BRAT1: variants seen among roughly 807,000 people sequenced by gnomAD.
BRAT1 encodes BRCA1 associated ATM activator 1, also known as integrator complex assembly factor BRAT1.
In BRAT1, 74 loss-of-function variants were observed where a neutral mutation model predicts 70.6. The ratio of observed to expected loss-of-function variants is 1.05; its 90% confidence interval spans 0.87 to 1.27. BRAT1 has a LOEUF of 1.27. Ranked by LOEUF, BRAT1 falls within the 50% of genes most tolerant of loss-of-function variation. The pLI is 0.00. For synonymous variants in BRAT1, 615 were observed against 517.1 expected, an observed-to-expected ratio of 1.19 and a Z score of -2.57; for missense variants, 1,203 against 1,098.2, an observed-to-expected ratio of 1.10 and a Z score of -1.35.
rs554998590 is a variant in BRAT1, at chr7:2,547,209, G to A, written c.282+115C>T. 2.7e-5 allele frequency: 37 copies of A among 1,350,576 alleles called. No homozygotes were observed. In the East Asian group the frequency reaches 5.4e-4, roughly 20 times the overall value. The allele number at this position is 1,350,576 out of a possible 1,614,324, so 83.7% of individuals were successfully genotyped here. On this transcript the variant is annotated intron_variant, in intron 3 of 13. Transcript: ENST00000340611. Reference sequence around the variant, plus strand: ...GCAGTTCTAGTGAGGACACAGGGTCGGGGCAGGCCGCTGGGACTTGGGATG... The same window carrying A: ...GCAGTTCTAGTGAGGACACAGGGTCAGGGCAGGCCGCTGGGACTTGGGATG...
rs764154665 is a variant in BRAT1 at position 2,547,389 on chromosome 7, G to A, written c.217C>T (p.Leu73Phe). The A allele has an allele frequency of 4.3e-5, 70 of 1,614,014 alleles. 1 individual carries two copies. Among genetic ancestry groups the A allele is most frequent in the Non-Finnish European group, 5.8e-5 (68 of 1,180,030 alleles). Reference sequence around the variant, plus strand: ...CCTGCCAGGCGCAGTGAGAAGGAGAGGACCCCAGAACTCAGGTCCTGGACT... The same window carrying A: ...CCTGCCAGGCGCAGTGAGAAGGAGAAGACCCCAGAACTCAGGTCCTGGACT... The part of the protein sequence containing the change: ...LKVQDLSSGV[L>F]SFSLRLAGTF... Residue 73 changes from leucine (L) to phenylalanine (F), a missense_variant, in exon 3 of 14, where the codon CTC (leucine) becomes TTC (phenylalanine). Transcript: ENST00000340611.
At position 2,538,472 on chromosome 7, in the gene BRAT1, A is replaced by C; in HGVS notation, c.2063T>G (p.Leu688Arg). 6.2e-7 allele frequency: 1 copy of C among 1,612,544 alleles called. No homozygotes were observed. The highest frequency in any genetic ancestry group is 8.5e-7 in the Non-Finnish European group (1 of 1,179,884). The change falls in exon 14 of 14, where the codon CTC becomes CGC. Residue 688 changes from leucine to arginine, a missense_variant. By Grantham distance (102) the Leu-to-Arg change is moderately radical (BLOSUM62 -2). Transcript: ENST00000340611. ...GCAGAGAGCCCTCAGTGCCTCGGTG[A>C]GTGGCTGGGCTGGGGCCACCTCGGG... is the stretch of plus-strand genomic sequence containing the variant. Reference protein sequence around the residue: ...ALPEVAPAQPLTEALRALCHV... With the variant: ...ALPEVAPAQPRTEALRALCHV...
rs1779310763 is a variant in BRAT1 at position 2,543,150 on chromosome 7, G to A, written c.923+54C>T. 11 of 1,500,262 alleles carry A rather than the reference G, an allele frequency of 7.3e-6. No individual in the cohort carries two copies. The East Asian group carries it at 2.5e-4, about 34-fold the overall frequency. The allele number at this position is 1,500,262 out of a possible 1,614,324, so 92.9% of individuals were successfully genotyped here. On this transcript the variant is annotated intron_variant, in intron 6 of 13. Transcript: ENST00000340611. This position sits in a 1 kb window ranked among gnomAD's most constrained non-coding sequence, Gnocchi z 5.5. ...TGAGGGCTGCGCTCTCAACCTCCCTGCCTGCCCCAGCTCCCAGCACCCGCC... is the reference window on the plus strand; with the variant it reads ...TGAGGGCTGCGCTCTCAACCTCCCTACCTGCCCCAGCTCCCAGCACCCGCC...
At chr7:2,552,688 G>C (rs956670805) in intron 2 of BRAT1, among the ~76,000 whole-genome samples, 3 of 151,604 alleles carry the variant, frequency 2.0e-5, no homozygotes, top group Admixed American at 6.6e-5. Context: ...TCAACCATGA[G>C]AATAAACATT....
rs906195202 is a variant in BRAT1, at chr7:2,543,446, G to A, written c.804-123C>T. 2.7e-5 allele frequency: 40 copies of A among 1,482,022 alleles called. No homozygotes were observed. The highest frequency in any genetic ancestry group is 9.5e-5 in the East Asian group (4 of 42,032). The allele number at this position is 1,482,022 out of a possible 1,614,324, so 91.8% of individuals were successfully genotyped here. On this transcript the variant is annotated intron_variant, in intron 5 of 13. Transcript: ENST00000340611. This position sits in a 1 kb window ranked among gnomAD's most constrained non-coding sequence, Gnocchi z 5.5. ...CAGCCCAAGACAGGCCTTTCCCCAT[G>A]AGGGTTCCAGGGTCACCCCGGTGCC...
chr7:2,541,580 C>T (rs756352304), intron 8 of BRAT1, 96 bp from the exon 9 acceptor site: 4 of 1,462,546 alleles, frequency 2.7e-6, no homozygotes, highest in Non-Finnish European at 3.6e-6. Flanking sequence ...CGGGGGACAT[C>T]AGCCAAGGTT....
At chr7:2,544,200 G>GTTTTTT (rs1172630697) in intron 4 of BRAT1, 8,477 of 108,120 alleles carry the variant, frequency 0.078, 1,054 homozygotes, top group African/African-American at 0.13. Flanking sequence ...CCTTCTTGTT[G>GTTTTTT]TTTTTTTTTT....
intron 13 of BRAT1, 154 bp from the exon 14 acceptor site, chr7:2,538,918 C>T (rs766892225): frequency 3.6e-5 from 53 of 1,462,126 alleles, no homozygotes; most frequent in South Asian, 1.7e-4. Flanking sequence ...AGTGAGCACA[C>T]GGCCCTCCAA....
rs777790747 is a variant in BRAT1 at position 2,544,083 on chromosome 7, TCTCCA to T, written c.431-126_431-122del. The T allele has an allele frequency of 2.5e-4, 205 of 810,838 alleles. 4 individuals are homozygous for T. In the South Asian group the frequency reaches 4.9e-3, roughly 19 times the overall value. 50.2% of individuals were successfully genotyped at this position (810,838 alleles called of 1,614,324 possible). ...GCCCCCCAAGATGCCCCCAAATGCC[TCTCCA>T]CTCAAAAGCAAAAAAGAACAGGAAC... is the stretch of plus-strand genomic sequence containing the variant. On this transcript the variant is annotated intron_variant, in intron 4 of 13. Transcript: ENST00000340611.
At chr7:2,549,140 A>G (rs955323988) in intron 2 of BRAT1, among the ~76,000 whole-genome samples, 9 of 152,202 alleles carry the variant, frequency 5.9e-5, no homozygotes, top group Non-Finnish European at 8.8e-5. Flanking sequence ...TAGAGAATGG[A>G]AAGTCTAATT....
chr7:2,544,772 C>T (rs1340222337), intron 4 of BRAT1, 137 bp downstream of exon 4: 36 of 1,335,056 alleles, frequency 2.7e-5, no homozygotes, highest in South Asian at 7.5e-5. Flanking sequence ...ACTGGACAGC[C>T]GTACTGTCAC....
Position 2,554,288 on chromosome 7 carries a change from C to T in BRAT1, c.127+17G>A. ...TGGTCTCTGGATAGGCAGTAAACAG[C>T]AGCACCACCTCCTTACCTCCTTCAG... On this transcript the variant is annotated intron_variant, in intron 2 of 13. Coordinates refer to ENST00000340611, the MANE Select transcript of BRAT1 (RefSeq NM_152743.4). 1 of 1,611,908 alleles carries T rather than the reference C, an allele frequency of 6.2e-7. No homozygotes were observed. The highest frequency in any genetic ancestry group is 8.5e-7 in the Non-Finnish European group (1 of 1,178,632).
In BRAT1 at chr7:2,542,153, G is replaced by T; in HGVS notation, c.982C>A (p.Leu328Met). 6.4e-7 allele frequency: 1 copy of T among 1,571,790 alleles called. No homozygotes were observed. The highest frequency in any genetic ancestry group is 2.3e-5 in the East Asian group (1 of 42,838). ...QVLLQPLACVLKATVQAPGPP... is the reference protein window; with the variant it reads ...QVLLQPLACVMKATVQAPGPP... ...CCGGGGGCCTGAACCGTGGCCTTCAGGACACAGGCCAGGGGCTGGAGAAGG... is the reference window on the plus strand; with the variant it reads ...CCGGGGGCCTGAACCGTGGCCTTCATGACACAGGCCAGGGGCTGGAGAAGG... Residue 328 changes from leucine (L) to methionine (M), a missense_variant, in exon 7 of 14, where the codon CTG (leucine) becomes ATG (methionine). Coordinates refer to ENST00000340611, the MANE Select transcript of BRAT1 (RefSeq NM_152743.4).
rs1211580591 is a variant in BRAT1 at position 2,554,313 on chromosome 7, G to T, written c.119C>A (p.Thr40Asn). 6.2e-7 allele frequency: 1 copy of T among 1,613,592 alleles called. No homozygotes were observed. Among genetic ancestry groups the T allele is most frequent in the Non-Finnish European group, 8.5e-7 (1 of 1,179,724 alleles). Residue 40 changes from threonine (T) to asparagine (N), a missense_variant, in exon 2 of 14, where the codon ACT (threonine) becomes AAT (asparagine). Transcript: ENST00000340611. Reference protein sequence around the residue: ...EKLLDWFKTVTEGESSVVLLQ... With the variant: ...EKLLDWFKTVNEGESSVVLLQ... Reference sequence around the variant, plus strand: ...CAGCACCACCTCCTTACCTCCTTCAGTGACCGTTTTAAACCAGTCCAGGAG... The same window carrying T: ...CAGCACCACCTCCTTACCTCCTTCATTGACCGTTTTAAACCAGTCCAGGAG...
intron 2 of BRAT1, among the ~76,000 whole-genome samples, chr7:2,549,650 A>T (rs2128407436): frequency 6.6e-6 from 1 of 152,362 alleles, no homozygotes; most frequent in Admixed American, 6.5e-5. Flanking sequence ...CAACAAATTA[A>T]AGAGATCAAA....
rs763936681 is a variant in BRAT1, at chr7:2,539,828, C to T, written c.1456G>A (p.Gly486Ser). The T allele has an allele frequency of 8.1e-6, 13 of 1,610,738 alleles. No homozygotes were observed. Among genetic ancestry groups the T allele is most frequent in the Admixed American group, 1.7e-5 (1 of 59,508 alleles). The change falls in exon 11 of 14, where the codon GGC becomes AGC. Residue 486 changes from glycine (G) to serine (S), a missense_variant. Coordinates refer to ENST00000340611, the MANE Select transcript of BRAT1 (RefSeq NM_152743.4). The part of the protein sequence containing the change: ...RWLLSSPKTP[G>S]CSDLGPLIPQ... ...ATGAGGGGGCCGAGATCAGAGCAGCCGGGGGTCTTGGGTGAGCTCAGGAGC... is the reference window on the plus strand; with the variant it reads ...ATGAGGGGGCCGAGATCAGAGCAGCTGGGGGTCTTGGGTGAGCTCAGGAGC...
Position 2,537,916 on chromosome 7 carries a change from T to G in BRAT1, c.*153A>C. ...AAGTCATTTCTTTAATACATCAAAC[T>G]GTGGGATTTCTTGACCTTGCTTCTC... On this transcript the variant is annotated 3_prime_UTR_variant, in exon 14 of 14. Transcript: ENST00000340611. The G allele has an allele frequency of 8.0e-7, 1 of 1,251,474 alleles. No homozygotes were observed. Among genetic ancestry groups the G allele is most frequent in the Non-Finnish European group, 1.0e-6 (1 of 961,732 alleles). The allele number at this position is 1,251,474 out of a possible 1,614,324, so 77.5% of individuals were successfully genotyped here. A position where few individuals can be genotyped will look rare whatever the true frequency, so the allele number is the denominator to read the frequency against.
At chr7:2,540,733 G>A (rs565075709) in intron 10 of BRAT1, 11 of 420,214 alleles carry the variant, frequency 2.6e-5, no homozygotes, top group East Asian at 2.6e-4. Flanking sequence ...CCCGCAGGCC[G>A]CCTGACCAGT....
Position 2,539,135 on chromosome 7 carries a change from T to C in BRAT1, c.1770+44A>G, listed in dbSNP as rs761792772. ...CCCGCAAGCAAACGAGCACACACGA[T>C]GGCCAGGCGGGAGTTGCTGGCTGAG... On this transcript the variant is annotated intron_variant, in intron 13 of 13. Transcript: ENST00000340611. 7.1e-6 allele frequency: 11 copies of C among 1,560,244 alleles called. No individual in the cohort carries two copies. The East Asian group carries it at 1.4e-4, about 19-fold the overall frequency.
Sources: gnomAD v4.1 joint callset for allele counts (sites outside exome capture counted in the v4.1 genomes callset) on GRCh38, gnomAD v4.1.1 for gene constraint, Gnocchi (gnomAD v3.1) non-coding constraint, MANE v1.5 for transcripts, NCBI Gene and HGNC (gene_info 2026-07-23, HGNC 2026-07-21) for gene names.